The following SPIDR variants were observed in gnomAD, a reference collection of about 807,000 sequenced individuals.
SPIDR encodes the protein scaffold protein involved in DNA repair.
SPIDR carries 93 observed loss-of-function variants against 104.6 expected under a neutral mutation model. The ratio of observed to expected loss-of-function variants is 0.89; its 90% CI spans 0.75 to 1.06. The LOEUF (loss-of-function observed/expected upper bound fraction) is 1.06. SPIDR is among the 50% of genes least tolerant of loss of function. The pLI, the probability that SPIDR is intolerant of heterozygous loss-of-function variation, is 0.00. For missense variants in SPIDR, 1,154 were observed against 1,111.2 expected (o/e 1.04, Z -0.55); for synonymous variants, 431 against 416.9 (o/e 1.03, Z -0.41).
intron 10 of SPIDR, among the ~76,000 whole-genome samples, chr8:47,649,860 TATG>T (rs1204379274): frequency 4.7e-4 from 72 of 152,264 alleles, no homozygotes; most frequent in African/African-American, 1.7e-3. Flanking sequence ...ACAAAAATCA[TATG>T]ATCATTTTAA....
intron 5 of SPIDR, among the ~76,000 whole-genome samples, chr8:47,304,903 G>A (rs1256570340): frequency 2.0e-5 from 3 of 152,302 alleles, no homozygotes. Context: ...ACAGTAGTGG[G>A]TTTGTTACCA....
At chr8:47,585,581 T>C (rs1285138781) in intron 8 of SPIDR, among the ~76,000 whole-genome samples, 1 of 152,136 alleles carries the variant, frequency 6.6e-6, no homozygotes, top group Non-Finnish European at 1.5e-5. Flanking sequence ...TATAACAGAA[T>C]ACCTGAAACT....
intron 8 of SPIDR, among the ~76,000 whole-genome samples, chr8:47,573,897 A>C (rs141559251): frequency 3.3e-4 from 50 of 152,288 alleles, no homozygotes; most frequent in African/African-American, 1.1e-3. Flanking sequence ...TTGTTGCCCT[A>C]ATTTCTTTGT....
chr8:47,620,702 C>T (rs555087888), intron 10 of SPIDR, among the ~76,000 whole-genome samples: 1 of 151,890 alleles, frequency 6.6e-6, no homozygotes, highest in Non-Finnish European at 1.5e-5. Flanking sequence ...ACTGCAATCT[C>T]CACCTCCCGG....
intron 3 of SPIDR, among the ~76,000 whole-genome samples, chr8:47,285,692 A>G (rs887878658): frequency 1.6e-4 from 24 of 152,234 alleles, no homozygotes; most frequent in Non-Finnish European, 2.8e-4. Flanking sequence ...TCACCTTATA[A>G]GGATTTCAGT....
chr8:47,522,793 G>A (rs2084369755), intron 8 of SPIDR, among the ~76,000 whole-genome samples: 1 of 151,984 alleles, frequency 6.6e-6, no homozygotes, highest in Non-Finnish European at 1.5e-5. Context: ...TCTTGGTTTT[G>A]GATAGGTTTT....
chr8:47,562,977 A>T (rs903636851), intron 8 of SPIDR, among the ~76,000 whole-genome samples: 1 of 151,884 alleles, frequency 6.6e-6, no homozygotes, highest in Middle Eastern at 3.4e-3. Context: ...TTTTTGGCAA[A>T]TATGCTTCCC....
At chr8:47,692,279 C>T (rs1015546886) in intron 11 of SPIDR, among the ~76,000 whole-genome samples, 1 of 152,074 alleles carries the variant, frequency 6.6e-6, no homozygotes, top group Non-Finnish European at 1.5e-5. Flanking sequence ...GGCACATTTT[C>T]ATCACCTCAG....
At chr8:47,463,394 T>C (rs998038340) in intron 8 of SPIDR, among the ~76,000 whole-genome samples, 6 of 150,664 alleles carry the variant, frequency 4.0e-5, no homozygotes, top group Non-Finnish European at 1.5e-5. Flanking sequence ...AACCTTCCAA[T>C]GAAGAAAGAC....
At chr8:47,290,027 T>C (rs1164506817) in intron 3 of SPIDR, among the ~76,000 whole-genome samples, 3 of 152,178 alleles carry the variant, frequency 2.0e-5, no homozygotes, top group African/African-American at 7.2e-5. Flanking sequence ...AGTGATTTTA[T>C]TTATATAACC....
chr8:47,678,950 C>G (rs1387057733), intron 11 of SPIDR, among the ~76,000 whole-genome samples: 1 of 152,160 alleles, frequency 6.6e-6, no homozygotes, highest in East Asian at 1.9e-4. Context: ...TTTGTAGCCC[C>G]CAGTGGGATT....
At chr8:47,477,270 G>GTGA (rs1457622439) in intron 8 of SPIDR, among the ~76,000 whole-genome samples, 1 of 151,994 alleles carries the variant, frequency 6.6e-6, no homozygotes, top group Non-Finnish European at 1.5e-5. Context: ...TGCTATCTCA[G>GTGA]CTCACTGCAA....
chr8:47,664,710 C>A (rs1473774731), intron 10 of SPIDR, among the ~76,000 whole-genome samples: 1 of 142,414 alleles, frequency 7.0e-6, no homozygotes, highest in East Asian at 2.1e-4. Flanking sequence ...GAGTTTGAGA[C>A]CAGCCTGGGC....
intron 8 of SPIDR, among the ~76,000 whole-genome samples, chr8:47,472,605 A>G (rs1184914495): frequency 1.2e-4 from 19 of 152,198 alleles, no homozygotes; most frequent in Admixed American, 1.2e-3. Flanking sequence ...TTTGTTTCTG[A>G]AAGAATGTGA....
At chr8:47,443,743 CTGTT>C (rs1341286988) in intron 8 of SPIDR, among the ~76,000 whole-genome samples, 1 of 149,654 alleles carries the variant, frequency 6.7e-6, no homozygotes, top group East Asian at 2.0e-4. Flanking sequence ...TTCATTTAAA[CTGTT>C]TTTTTTTTTT....
chr8:47,330,990 C>T (rs2048566402), intron 5 of SPIDR: 4 of 321,388 alleles, frequency 1.2e-5, no homozygotes, highest in Admixed American at 1.1e-4. Context: ...GTTCCTGTTG[C>T]TCCATATTCT....
At chr8:47,310,528 T>C (rs2043957074) in intron 5 of SPIDR, among the ~76,000 whole-genome samples, 1 of 151,920 alleles carries the variant, frequency 6.6e-6, no homozygotes, top group African/African-American at 2.4e-5. Context: ...GGACAGAAAG[T>C]AGGAAGAAAC....
chr8:47,293,190 G>T (rs1325827945), intron 4 of SPIDR, among the ~76,000 whole-genome samples: 1 of 151,942 alleles, frequency 6.6e-6, no homozygotes, highest in African/African-American at 2.4e-5. Context: ...GAGTGCAGTG[G>T]ATCATAGCTC....
intron 5 of SPIDR, among the ~76,000 whole-genome samples, chr8:47,336,144 T>A (rs2049695600): frequency 6.6e-6 from 1 of 152,236 alleles, no homozygotes; most frequent in Admixed American, 6.5e-5. Context: ...GTCTCTTCCC[T>A]GTTTGCTTTT....
Sources: allele counts gnomAD v4.1 joint callset (sites outside exome capture counted in the v4.1 genomes callset), GRCh38; gene constraint gnomAD v4.1.1; transcripts MANE v1.5; gene names NCBI Gene and HGNC (gene_info 2026-07-23, HGNC 2026-07-21).